CNOT4: variants seen among roughly 807,000 people sequenced by gnomAD.
CNOT4 encodes the protein CCR4-associated factor 4.
In CNOT4, 8 loss-of-function variants were observed where a neutral mutation model predicts 73.8. That is an observed-to-expected ratio of 0.11 (90% CI 0.06 to 0.20). The LOEUF (loss-of-function observed/expected upper bound fraction) is 0.20, where lower values mean the gene tolerates loss of function less well. Ranked by LOEUF, CNOT4 falls within the 10% of genes least tolerant of loss-of-function variation. The probability of loss-of-function intolerance (pLI) is 1.00; values close to 1 mark genes in which losing one functional copy is unlikely to be tolerated. For synonymous variants in CNOT4, 293 were observed against 321.1 expected, an observed-to-expected ratio of 0.91 and a Z score of 0.94; for missense variants, 564 against 883.4, an observed-to-expected ratio of 0.64 and a Z score of 4.58.
intron 3 of CNOT4, among the ~76,000 whole-genome samples, chr7:135,419,069 C>A (rs1017679978): frequency 6.6e-6 from 1 of 152,006 alleles, no homozygotes; most frequent in Non-Finnish European, 1.5e-5. Context: ...CCTCACAAAT[C>A]TAAAATTTTA....
At chr7:135,403,563 G>C (rs538603061) in intron 7 of CNOT4, among the ~76,000 whole-genome samples, 1 of 151,730 alleles carries the variant, frequency 6.6e-6, no homozygotes, top group African/African-American at 2.4e-5. Context: ...AGGACAGCCT[G>C]GGCAACACAG....
chr7:135,505,337 G>C (rs930626599), intron 1 of CNOT4, among the ~76,000 whole-genome samples: 4 of 152,094 alleles, frequency 2.6e-5, no homozygotes, highest in African/African-American at 9.7e-5. Flanking sequence ...GGCAGATCAC[G>C]AGGTCAGCAG....
intron 3 of CNOT4, among the ~76,000 whole-genome samples, chr7:135,419,639 G>A (rs901969149): frequency 6.6e-6 from 1 of 151,882 alleles, no homozygotes; most frequent in Non-Finnish European, 1.5e-5. Flanking sequence ...AGTATACTTA[G>A]ACTCATGATA....
chr7:135,488,866 G>A (rs932579843), intron 1 of CNOT4, among the ~76,000 whole-genome samples: 2 of 151,998 alleles, frequency 1.3e-5, no homozygotes, highest in Non-Finnish European at 2.9e-5. Flanking sequence ...GCAATGTAGA[G>A]AAAGAATAAG....
chr7:135,476,697 T>C (rs114561144), intron 1 of CNOT4, among the ~76,000 whole-genome samples: 3,037 of 152,098 alleles, frequency 0.02, 106 homozygotes, highest in African/African-American at 0.069. Context: ...AAAGGCTGGG[T>C]ACAGTGGCTC....
Position 135,364,062 on chromosome 7 carries a change from G to T in CNOT4, c.1632C>A (p.Asn544Lys). ...TATTTAAACTCTCTACAGAACTGCT[G>T]TTGTCTGGGAGATTTACCAACAAAA... Reference protein sequence around the residue: ...TGLGGIPVADNSSSVESLNMK... With the variant: ...TGLGGIPVADKSSSVESLNMK... The change falls in exon 11 of 12, where the codon AAC becomes AAA. Residue 544 changes from asparagine (N) to lysine (K), a missense_variant. Asn to Lys is a moderately conservative substitution (Grantham distance 94, BLOSUM62 0). Around this residue, in one of 10 missense-constraint regions of CNOT4, gnomAD observed 153 missense variants for 158.7 expected, o/e 0.96. Coordinates refer to ENST00000541284, the MANE Select transcript of CNOT4 (RefSeq NM_001190850.2). This position sits in a 1 kb window ranked among gnomAD's most constrained non-coding sequence, Gnocchi z 4.3. 1.3e-6 allele frequency: 2 copies of T among 1,579,946 alleles called. No homozygotes were observed. The highest frequency in any genetic ancestry group is 1.7e-6 in the Non-Finnish European group (2 of 1,169,026).
At chr7:135,472,616 T>C (rs532411645) in intron 1 of CNOT4, among the ~76,000 whole-genome samples, 2 of 130,054 alleles carry the variant, frequency 1.5e-5, no homozygotes, top group Middle Eastern at 4.5e-3. Flanking sequence ...CCCTTTCGAA[T>C]TGTCCCTAAG....
chr7:135,499,899 C>T (rs917598258), intron 1 of CNOT4, among the ~76,000 whole-genome samples: 2 of 152,140 alleles, frequency 1.3e-5, no homozygotes, highest in Admixed American at 6.5e-5. Context: ...AAGGCAATGG[C>T]TTTCTATTCT....
intron 10 of CNOT4, chr7:135,387,115 T>A (rs1796159280): frequency 1.0e-6 from 1 of 982,258 alleles, no homozygotes; most frequent in Non-Finnish European, 1.2e-6. Flanking sequence ...AAACCATAAT[T>A]AAATTAAGCT....
chr7:135,474,478 C>T (rs1233745169), intron 1 of CNOT4, among the ~76,000 whole-genome samples: 1 of 151,524 alleles, frequency 6.6e-6, no homozygotes, highest in East Asian at 1.9e-4. Context: ...GGTTTCATCA[C>T]GTTGGCCAAG....
At chr7:135,399,308 T>C (rs1796877872) in intron 7 of CNOT4, among the ~76,000 whole-genome samples, 2 of 152,124 alleles carry the variant, frequency 1.3e-5, no homozygotes, top group African/African-American at 4.8e-5. Context: ...TGAGGCTATA[T>C]AGTGCCTAGT....
At position 135,364,020 on chromosome 7, in the gene CNOT4, G is replaced by A. The variant is rs370767888; in HGVS notation, c.1674C>T (p.Asp558=). The A allele has an allele frequency of 8.1e-5, 129 of 1,598,088 alleles. No individual in the cohort carries two copies. Among genetic ancestry groups the A allele is most frequent in the Non-Finnish European group, 1.0e-4 (122 of 1,179,682 alleles). Residue 558 remains aspartate, a synonymous_variant, in exon 11 of 12, where the codon GAC becomes GAT. Transcript: ENST00000541284. The surrounding 1 kb of genome is among the most constrained non-coding windows in gnomAD (Gnocchi z 4.3). The part of the protein sequence containing the change: ...VESLNMKEWQ[D]GLRALLPNIN... ...TGTTGGGTAGAAGTGCCCTTAGCCCGTCCTGCCATTCCTTCATATTTAAAC... is the reference window on the plus strand; with the variant it reads ...TGTTGGGTAGAAGTGCCCTTAGCCCATCCTGCCATTCCTTCATATTTAAAC...
intron 3 of CNOT4, among the ~76,000 whole-genome samples, chr7:135,420,577 CAAAAAAAAAAAAAA>C (rs71174521): frequency 1.9e-5 from 1 of 53,370 alleles, no homozygotes; most frequent in Non-Finnish European, 3.5e-5. Flanking sequence ...ACCATGTCTC[CAAAAAAAAAAAAAA>C]AAAAAAAAGT....
intron 3 of CNOT4, among the ~76,000 whole-genome samples, chr7:135,416,719 G>A (rs1014013907): frequency 6.6e-6 from 1 of 152,154 alleles, no homozygotes; most frequent in African/African-American, 2.4e-5. Flanking sequence ...CAGCATCATA[G>A]GTTTAAGGCA....
intron 2 of CNOT4, among the ~76,000 whole-genome samples, chr7:135,436,078 T>C (rs894687284): frequency 5.3e-5 from 8 of 152,108 alleles, no homozygotes; most frequent in Admixed American, 5.2e-4. Flanking sequence ...TGAAATTGAT[T>C]CCAATGTCCT....
At position 135,362,484 on chromosome 7, in the gene CNOT4, C is replaced by G. The variant is rs1794690979; in HGVS notation, c.*401G>C. 1 of 317,134 alleles carries G rather than the reference C, an allele frequency of 3.2e-6. No homozygotes were observed. The highest frequency in any genetic ancestry group is 8.3e-5 in the East Asian group (1 of 12,114). 19.6% of individuals were successfully genotyped at this position (317,134 alleles called of 1,614,324 possible). A position where few individuals can be genotyped will look rare whatever the true frequency, so the allele number is the denominator to read the frequency against. On this transcript the variant is annotated 3_prime_UTR_variant, in exon 12 of 12. Transcript: ENST00000541284. ...ATCTCACGTAAATGAACCTGGTTTT[C>G]AAACTTCTGCAGTTGATAATGCATT...
At chr7:135,405,943 A>G (rs186200387) in intron 7 of CNOT4, among the ~76,000 whole-genome samples, 21 of 152,278 alleles carry the variant, frequency 1.4e-4, no homozygotes, top group African/African-American at 4.8e-4. Context: ...TAGGAATGCC[A>G]AGAAATGTGA....
At chr7:135,506,655 C>A (rs995222245) in intron 1 of CNOT4, among the ~76,000 whole-genome samples, 1 of 152,048 alleles carries the variant, frequency 6.6e-6, no homozygotes, top group African/African-American at 2.4e-5. Context: ...CAAGACCAGC[C>A]TGACCAACAT....
intron 1 of CNOT4, among the ~76,000 whole-genome samples, chr7:135,500,318 T>G (rs945700079): frequency 2.6e-5 from 4 of 152,180 alleles, no homozygotes. Context: ...CTACCTCATT[T>G]ACAAAGCGAG....
Sources: allele counts gnomAD v4.1 joint callset (sites outside exome capture counted in the v4.1 genomes callset), GRCh38; gene constraint gnomAD v4.1.1; regional missense constraint gnomAD v4.1.1; non-coding constraint Gnocchi (gnomAD v3.1); transcripts MANE v1.5; gene names NCBI Gene and HGNC (gene_info 2026-07-23, HGNC 2026-07-21).